The following KIAA1217 variants were observed in gnomAD, a reference collection of about 807,000 sequenced individuals.
KIAA1217 encodes the protein KIAA1217.
KIAA1217 carries 88 observed loss-of-function variants against 163.9 expected under a neutral mutation model. The observed-to-expected ratio is 0.54, with a 90% CI of 0.45 to 0.64. KIAA1217 has a LOEUF of 0.64. Ranked by LOEUF, KIAA1217 falls within the 30% of genes least tolerant of loss-of-function variation. KIAA1217 has a pLI of 0.00. For synonymous variants in KIAA1217, 903 were observed against 923.1 expected (o/e 0.98, Z 0.39); for missense variants, 2,372 against 2,475.0 (o/e 0.96, Z 0.88).
At chr10:23,905,258 T>A (rs1054948136) in intron 1 of KIAA1217, among the ~76,000 whole-genome samples, 5 of 151,582 alleles carry the variant, frequency 3.3e-5, no homozygotes, top group Non-Finnish European at 5.9e-5. Context: ...CTGGATCACA[T>A]GCACTATCTC....
chr10:24,497,278 A>G (rs1302222597), intron 8 of KIAA1217, among the ~76,000 whole-genome samples: 1 of 152,248 alleles, frequency 6.6e-6, no homozygotes, highest in African/African-American at 2.4e-5. Flanking sequence ...CTGTGGAAAG[A>G]GAACAGATGG....
intron 1 of KIAA1217, among the ~76,000 whole-genome samples, chr10:23,704,172 G>GTGTATA (rs1229370789): frequency 1.5e-3 from 60 of 39,940 alleles, no homozygotes; most frequent in African/African-American, 2.5e-3. Context: ...GTGTGTGTGT[G>GTGTATA]TATATATATA....
intron 1 of KIAA1217, among the ~76,000 whole-genome samples, chr10:23,743,775 A>G (rs1385822796): frequency 2.6e-5 from 4 of 152,192 alleles, no homozygotes; most frequent in Non-Finnish European, 5.9e-5. Context: ...GCAGGATAAA[A>G]TATAGCCAGT....
intron 1 of KIAA1217, among the ~76,000 whole-genome samples, chr10:23,993,721 A>T (rs2131445310): frequency 6.6e-6 from 1 of 151,732 alleles, no homozygotes; most frequent in South Asian, 2.1e-4. Context: ...ACACCCAGCT[A>T]ATTTTTGTGT....
chr10:24,101,024 CT>C (rs1387857785), intron 2 of KIAA1217, among the ~76,000 whole-genome samples: 1 of 152,160 alleles, frequency 6.6e-6, no homozygotes, highest in African/African-American at 2.4e-5. Context: ...CTTTAAGCTG[CT>C]TTTTATGGTG....
intron 1 of KIAA1217, among the ~76,000 whole-genome samples, chr10:24,004,991 G>A (rs963544381): frequency 2.0e-5 from 3 of 152,202 alleles, no homozygotes; most frequent in Admixed American, 6.5e-5. Flanking sequence ...GATGGTGGGA[G>A]CAGCTTAGAA....
chr10:24,212,794 A>T lies in KIAA1217; in HGVS notation c.70+3531A>T, dbSNP rs543215354. ...GACAATGTGATATTCCACAGCAAGGACCATGTTTTATTTATTCACGTTTGC... is the reference window on the plus strand; with the variant it reads ...GACAATGTGATATTCCACAGCAAGGTCCATGTTTTATTTATTCACGTTTGC... On this transcript the variant is annotated intron_variant, in intron 1 of 20. Coordinates refer to ENST00000376454, the MANE Select transcript of KIAA1217 (RefSeq NM_019590.5). 2.6e-5 allele frequency among the ~76,000 whole-genome samples: 4 copies of T among 152,250 alleles called. No individual in the cohort carries two copies. The East Asian group carries it at 7.7e-4, about 29-fold the overall frequency.
At chr10:24,426,573 C>T (rs1286185336) in intron 3 of KIAA1217, among the ~76,000 whole-genome samples, 1 of 151,942 alleles carries the variant, frequency 6.6e-6, no homozygotes, top group Non-Finnish European at 1.5e-5. Context: ...TGCAGTGAGC[C>T]GAGATCGCAC....
At chr10:24,261,863 G>C (rs1043869617) in intron 2 of KIAA1217, among the ~76,000 whole-genome samples, 7 of 152,198 alleles carry the variant, frequency 4.6e-5, no homozygotes, top group Non-Finnish European at 1.0e-4. Context: ...TTAGATACCT[G>C]AGCTCTCCAC....
chr10:23,954,165 C>G (rs1049256806), intron 1 of KIAA1217, among the ~76,000 whole-genome samples: 3 of 152,144 alleles, frequency 2.0e-5, no homozygotes, highest in Admixed American at 6.5e-5. Context: ...TTAAAACCAT[C>G]TGAGCTTTCT....
At chr10:23,848,050 G>A (rs1381405677) in intron 1 of KIAA1217, among the ~76,000 whole-genome samples, 1 of 152,044 alleles carries the variant, frequency 6.6e-6, no homozygotes, top group Non-Finnish European at 1.5e-5. Flanking sequence ...TTAATCCTGA[G>A]TTCTAATTTG....
At chr10:24,185,105 C>A (rs1016668932) in intron 2 of KIAA1217, among the ~76,000 whole-genome samples, 4 of 152,160 alleles carry the variant, frequency 2.6e-5, no homozygotes, top group African/African-American at 9.7e-5. Context: ...AGTCTCTATT[C>A]TCCACCAATC....
intron 2 of KIAA1217, among the ~76,000 whole-genome samples, chr10:24,095,853 C>T (rs751899308): frequency 6.6e-6 from 1 of 152,166 alleles, no homozygotes; most frequent in Non-Finnish European, 1.5e-5. Flanking sequence ...AGCCAATAAT[C>T]CCGGCACTTT....
chr10:23,934,561 A>ATATATATATATATATATATATATG lies in KIAA1217; in HGVS notation c.-320-72641_-320-72640insGTATATATATATATATATATATAT, dbSNP rs1564545375. 1.1e-3 allele frequency among the ~76,000 whole-genome samples: 36 copies of ATATATATATATATATATATATATG among 31,974 alleles called. 1 individual carries two copies. Among genetic ancestry groups the ATATATATATATATATATATATATG allele is most frequent in the Non-Finnish European group, 1.5e-3 (30 of 20,292 alleles). 21.0% of individuals were successfully genotyped at this position (31,974 alleles called of 152,430 possible). On this transcript the variant is annotated intron_variant, in intron 1 of 18. Coordinates refer to the KIAA1217 transcript ENST00000376462. ...ATATATTAAGTGGTCTTTAAAGTAT[A>ATATATATATATATATATATATATG]TATATATATATATATATATATATAT...
At chr10:23,951,491 A>G (rs1315455810) in intron 1 of KIAA1217, among the ~76,000 whole-genome samples, 1 of 152,084 alleles carries the variant, frequency 6.6e-6, no homozygotes, top group South Asian at 2.1e-4. Context: ...CTTTCTCTAT[A>G]AAAATACAAA....
rs115625537 is a variant in KIAA1217, at chr10:23,965,586, T to C, written c.-320-41639T>C. ...GGAATTCTGCTACATTTGAAAACAA[T>C]TAGATCAGAAACAAAACGTTGCCAT... On this transcript the variant is annotated intron_variant, in intron 1 of 18. Coordinates refer to the KIAA1217 transcript ENST00000376462. Among the ~76,000 whole-genome samples, 816 of 152,336 alleles carry C rather than the reference T, an allele frequency of 5.4e-3. 6 individuals carry two copies. The highest frequency in any genetic ancestry group is 0.019 in the African/African-American group (792 of 41,572).
intron 1 of KIAA1217, among the ~76,000 whole-genome samples, chr10:24,006,457 C>T (rs1043511889): frequency 1.3e-5 from 2 of 152,032 alleles, no homozygotes; most frequent in Non-Finnish European, 2.9e-5. Flanking sequence ...TTCTGTGAGC[C>T]CCCAGTTTTC....
At chr10:24,513,105 G>A (rs1427088301) in intron 9 of KIAA1217, among the ~76,000 whole-genome samples, 154 bp from the exon 10 acceptor site, 1 of 152,236 alleles carries the variant, frequency 6.6e-6, no homozygotes, top group African/African-American at 2.4e-5. Context: ...GCCACATTAT[G>A]TACAGTCTTT....
chr10:23,708,840 C>G (rs935205180), intron 1 of KIAA1217, among the ~76,000 whole-genome samples: 1 of 152,076 alleles, frequency 6.6e-6, no homozygotes, highest in Non-Finnish European at 1.5e-5. Context: ...TGGGGCCAGA[C>G]AGAGGTGGAG....
Sources: gnomAD v4.1 joint callset for allele counts (sites outside exome capture counted in the v4.1 genomes callset) on GRCh38, gnomAD v4.1.1 for gene constraint, MANE v1.5 for transcripts, NCBI Gene and HGNC (gene_info 2026-07-23, HGNC 2026-07-21) for gene names.